XPR1: variants seen among roughly 807,000 people sequenced by gnomAD.
The protein encoded by XPR1 is xenotropic and polytropic retrovirus receptor 1.
A neutral mutation model predicts 87.5 loss-of-function variants in XPR1; 28 were observed. The ratio of observed to expected loss-of-function variants is 0.32; its 90% CI spans 0.24 to 0.44. XPR1 has a LOEUF of 0.44. XPR1 is among the 20% of genes least tolerant of loss of function. The pLI, the probability that XPR1 is intolerant of heterozygous loss-of-function variation, is 1.00. For synonymous variants in XPR1, 300 were observed against 306.1 expected (o/e 0.98, Z 0.21); for missense variants, 559 against 862.3 (o/e 0.65, Z 4.41).
At chr1:180,765,321 C>T (rs970125606) in intron 2 of XPR1, among the ~76,000 whole-genome samples, 1 of 152,180 alleles carries the variant, frequency 6.6e-6, no homozygotes. Flanking sequence ...GCCTCAATGC[C>T]AGCCAATCTA....
At chr1:180,730,298 G>A (rs555021132) in intron 2 of XPR1, among the ~76,000 whole-genome samples, 42 of 152,124 alleles carry the variant, frequency 2.8e-4, no homozygotes, top group Non-Finnish European at 5.6e-4. Context: ...TAGCCTCATT[G>A]TATAGTTTGA....
chr1:180,735,723 T>C (rs1482666430), intron 2 of XPR1, among the ~76,000 whole-genome samples: 1 of 152,246 alleles, frequency 6.6e-6, no homozygotes, highest in Non-Finnish European at 1.5e-5. Context: ...GAATAAATTA[T>C]GTTCACAAGT....
chr1:180,809,261 G>GT (rs1446782400), intron 6 of XPR1, among the ~76,000 whole-genome samples: 1 of 152,150 alleles, frequency 6.6e-6, no homozygotes, highest in Non-Finnish European at 1.5e-5. Context: ...ATAGAGTGGG[G>GT]TAGGGTAGGC....
At chr1:180,739,337 T>A (rs1224386352) in intron 2 of XPR1, among the ~76,000 whole-genome samples, 1 of 152,230 alleles carries the variant, frequency 6.6e-6, no homozygotes, top group East Asian at 1.9e-4. Flanking sequence ...TTTCAAAAAT[T>A]TTATGGCTAT....
intron 2 of XPR1, among the ~76,000 whole-genome samples, chr1:180,771,108 A>G (rs1648496929): frequency 6.6e-6 from 1 of 152,146 alleles, no homozygotes; most frequent in South Asian, 2.1e-4. Flanking sequence ...CTTCATCACT[A>G]TATCCTTAGT....
chr1:180,686,960 T>G, intron 2 of XPR1, among the ~76,000 whole-genome samples: 1 of 152,310 alleles, frequency 6.6e-6, no homozygotes, highest in East Asian at 1.9e-4. Context: ...TGTCACTGAA[T>G]TTTAGACTAT....
At chr1:180,632,486 C>A (rs148670967) in intron 1 of XPR1, among the ~76,000 whole-genome samples, 335 of 152,206 alleles carry the variant, frequency 2.2e-3, no homozygotes, top group African/African-American at 7.7e-3. Flanking sequence ...GCCGGGGTAA[C>A]GGATATGCAG....
chr1:180,641,460 T>C (rs1195551185), intron 1 of XPR1, among the ~76,000 whole-genome samples: 1 of 152,200 alleles, frequency 6.6e-6, no homozygotes, highest in Non-Finnish European at 1.5e-5. Context: ...AATAAATCAC[T>C]CTTAACCTTT....
intron 7 of XPR1, among the ~76,000 whole-genome samples, chr1:180,817,523 T>A (rs1264868610): frequency 1.3e-5 from 2 of 152,226 alleles, no homozygotes; most frequent in African/African-American, 2.4e-5. Flanking sequence ...TGTTTAGAGA[T>A]GTTTAGAGAC....
At chr1:180,848,161 A>T (rs1334684343) in intron 11 of XPR1, among the ~76,000 whole-genome samples, 1 of 152,152 alleles carries the variant, frequency 6.6e-6, no homozygotes, top group Non-Finnish European at 1.5e-5. Flanking sequence ...AACATTTATC[A>T]TTTGTGTTGG....
At chr1:180,856,586 G>A (rs956506809) in intron 11 of XPR1, among the ~76,000 whole-genome samples, 1 of 152,114 alleles carries the variant, frequency 6.6e-6, no homozygotes, top group African/African-American at 2.4e-5. Flanking sequence ...TCCTAAGCAT[G>A]CTTCAAGCCC....
rs1377012253 is a variant in XPR1, at chr1:180,887,598, T to C, written c.*3532T>C. On this transcript the variant is annotated 3_prime_UTR_variant, in exon 15 of 15. Transcript: ENST00000367590. ...AAGTAGTCAAAAACCCATGTGCAACTTTTTTTCAGCACTCTACCATTAGGC... is the reference window on the plus strand; with the variant it reads ...AAGTAGTCAAAAACCCATGTGCAACCTTTTTTCAGCACTCTACCATTAGGC... 6.6e-6 allele frequency: 1 copy of C among 152,232 alleles called. No homozygotes were observed. Among genetic ancestry groups the C allele is most frequent in the Non-Finnish European group, 1.5e-5 (1 of 68,046 alleles). 9.4% of individuals were successfully genotyped at this position (152,232 alleles called of 1,614,324 possible).
Position 180,824,976 on chromosome 1 carries a change from A to G in XPR1, c.954+33A>G, listed in dbSNP as rs756403487. Reference sequence around the variant, plus strand: ...AAGCAAGACATAACACCTCATGAATATAGTTTGCATTAGCTATATAGCTAT... The same window carrying G: ...AAGCAAGACATAACACCTCATGAATGTAGTTTGCATTAGCTATATAGCTAT... On this transcript the variant is annotated intron_variant, in intron 8 of 14. Coordinates refer to ENST00000367590, the MANE Select transcript of XPR1 (RefSeq NM_004736.4). 1.6e-5 allele frequency: 25 copies of G among 1,600,530 alleles called. No individual in the cohort carries two copies. In the Admixed American group the frequency reaches 3.1e-4, roughly 20 times the overall value.
intron 2 of XPR1, among the ~76,000 whole-genome samples, chr1:180,770,757 C>A (rs1299164356): frequency 6.6e-6 from 1 of 152,166 alleles, no homozygotes; most frequent in African/African-American, 2.4e-5. Flanking sequence ...TAAAGTGTTA[C>A]ATGGCCCCTT....
At chr1:180,722,753 T>G (rs1658216582) in intron 2 of XPR1, among the ~76,000 whole-genome samples, 1 of 152,220 alleles carries the variant, frequency 6.6e-6, no homozygotes, top group Non-Finnish European at 1.5e-5. Flanking sequence ...CTTGCTTTGC[T>G]TTCCTTCTGA....
chr1:180,731,468 C>T (rs1411248585), intron 2 of XPR1, among the ~76,000 whole-genome samples: 2 of 152,154 alleles, frequency 1.3e-5, no homozygotes, highest in Admixed American at 6.5e-5. Context: ...GCCTATGGTG[C>T]TGTGATCTGG....
intron 2 of XPR1, among the ~76,000 whole-genome samples, chr1:180,704,245 G>GACATATATATATATATAT (rs1553238721): frequency 6.1e-5 from 4 of 66,054 alleles, no homozygotes; most frequent in Non-Finnish European, 1.2e-4. Context: ...ATAGGTGCTG[G>GACATATATATATATATAT]ATATATATAT....
At chr1:180,760,044 C>T (rs1647945445) in intron 2 of XPR1, among the ~76,000 whole-genome samples, 1 of 152,066 alleles carries the variant, frequency 6.6e-6, no homozygotes, top group Non-Finnish European at 1.5e-5. Context: ...GCAGAAAAGG[C>T]CTTTGACAAA....
intron 1 of XPR1, among the ~76,000 whole-genome samples, chr1:180,639,652 TAGGGTAATCCATG>T (rs1654904047): frequency 6.6e-6 from 1 of 152,242 alleles, no homozygotes; most frequent in African/African-American, 2.4e-5. Flanking sequence ...TCGTAATTCA[TAGGGTAATCCATG>T]TGCTTTGTGG....
Sources: gnomAD v4.1 joint callset for allele counts (sites outside exome capture counted in the v4.1 genomes callset) on GRCh38, gnomAD v4.1.1 for gene constraint, MANE v1.5 for transcripts, NCBI Gene and HGNC (gene_info 2026-07-23, HGNC 2026-07-21) for gene names.